C2: variants seen among roughly 807,000 people sequenced by gnomAD.
C2 encodes the protein C3/C5 convertase.
In C2, 64 loss-of-function variants were observed where a neutral mutation model predicts 85.2. The ratio of observed to expected loss-of-function variants is 0.75; its 90% CI spans 0.61 to 0.92. The LOEUF is 0.92. C2 is among the 40% of genes least tolerant of loss of function. The pLI is 0.00. For missense variants in C2, 820 were observed against 971.6 expected (o/e 0.84, Z 2.07); for synonymous variants, 311 against 370.8 (o/e 0.84, Z 1.85).
At chr6:31,901,594 G>A (rs995345975) in intron 1 of C2, among the ~76,000 whole-genome samples, 3 of 151,814 alleles carry the variant, frequency 2.0e-5, no homozygotes, top group African/African-American at 4.8e-5. Context: ...GTGGAAGGAC[G>A]GAGAAAAAGG....
upstream of C2, among the ~76,000 whole-genome samples, chr6:31,923,443 C>A (rs941791645): frequency 6.6e-6 from 1 of 152,164 alleles, no homozygotes; most frequent in African/African-American, 2.4e-5. Flanking sequence ...CCACACACGC[C>A]ATCTCAGCCT....
intron 9 of C2, among the ~76,000 whole-genome samples, chr6:31,942,680 G>T (rs374245872): frequency 2.0e-5 from 3 of 152,164 alleles, no homozygotes; most frequent in East Asian, 1.9e-4. Context: ...TGGAAGTCTG[G>T]GGGGGAGGAG....
chr6:31,936,282 G>T (rs149815968), intron 7 of C2: 3 of 579,196 alleles, frequency 5.2e-6, no homozygotes, highest in Non-Finnish European at 9.3e-6. Flanking sequence ...AAGACACTGT[G>T]CAGGTCTTCA....
intron 3 of C2, among the ~76,000 whole-genome samples, chr6:31,932,669 C>G (rs1042205742): frequency 6.6e-6 from 1 of 150,518 alleles, no homozygotes; most frequent in Admixed American, 6.6e-5. Flanking sequence ...ACATCCCAGA[C>G]GATGGGTGGC....
At chr6:31,910,707 C>G (rs1212236404) in intron 1 of C2, among the ~76,000 whole-genome samples, 1 of 152,022 alleles carries the variant, frequency 6.6e-6, no homozygotes, top group Non-Finnish European at 1.5e-5. Context: ...GAGCCCAGCA[C>G]GGTGGCCCAC....
At chr6:31,901,602 A>G (rs1767280296) in intron 1 of C2, among the ~76,000 whole-genome samples, 1 of 151,438 alleles carries the variant, frequency 6.6e-6, no homozygotes, top group Non-Finnish European at 1.5e-5. Flanking sequence ...ACGGAGAAAA[A>G]GGGGGGCCAG....
intron 3 of C2, among the ~76,000 whole-genome samples, chr6:31,932,720 C>A (rs1288601755): frequency 6.6e-6 from 1 of 152,092 alleles, no homozygotes; most frequent in Non-Finnish European, 1.5e-5. Context: ...GGGTGGCGGC[C>A]GGGCAGAGGC....
chr6:31,937,576 T>C, intron 8 of C2, 117 bp downstream of exon 8: 2 of 1,332,738 alleles, frequency 1.5e-6, no homozygotes, highest in Non-Finnish European at 2.1e-6. Flanking sequence ...AGTTTTGTTT[T>C]TGTTTTTAGA....
At chr6:31,906,525 A>G (rs1022876477) in intron 1 of C2, among the ~76,000 whole-genome samples, 6 of 151,940 alleles carry the variant, frequency 3.9e-5, no homozygotes, top group Non-Finnish European at 5.9e-5. Flanking sequence ...ATCCAGGTCT[A>G]TCTGGGGAAA....
At chr6:31,917,789 C>T (rs898273720), upstream of C2, among the ~76,000 whole-genome samples, 3 of 151,726 alleles carry the variant, frequency 2.0e-5, no homozygotes, top group African/African-American at 7.3e-5. Flanking sequence ...GTTTGTAATC[C>T]CAGCTACTTG....
Position 31,904,344 on chromosome 6 carries a change from G to A in C2, c.73+3205G>A, listed in dbSNP as rs559552853. Reference sequence around the variant, plus strand: ...AATTAATTTATTTAGCTGGAGTTTTGCTCTTGTCACCCAGGCTGGAGTGCA... The same window carrying A: ...AATTAATTTATTTAGCTGGAGTTTTACTCTTGTCACCCAGGCTGGAGTGCA... On this transcript the variant is annotated intron_variant, in intron 1 of 3. Coordinates refer to the C2 transcript ENST00000452202. This position sits in a 1 kb window ranked among gnomAD's most constrained non-coding sequence, Gnocchi z 4.4. 7.3e-5 allele frequency among the ~76,000 whole-genome samples: 11 copies of A among 151,410 alleles called. No homozygotes were observed. Among genetic ancestry groups the A allele is most frequent in the African/African-American group, 2.2e-4 (9 of 41,208 alleles).
In C2 at chr6:31,935,601, C is replaced by G. The variant is rs1770341820; in HGVS notation, c.850-322C>G. ...TCTTCTGCCTCAGCCTCCTGAGTAG[C>G]TGGGATTATAGGTGCTTGCCACCAT... On this transcript the variant is annotated intron_variant, in intron 6 of 17. Coordinates refer to ENST00000299367, the MANE Select transcript of C2 (RefSeq NM_000063.6). This position sits in a 1 kb window ranked among gnomAD's most constrained non-coding sequence, Gnocchi z 4.3. Among the ~76,000 whole-genome samples, 7 of 152,054 alleles carry G rather than the reference C, an allele frequency of 4.6e-5. No homozygotes were observed. The highest frequency in any genetic ancestry group is 4.6e-4 in the Admixed American group (7 of 15,252).
chr6:31,933,738 T>C lies in C2; in HGVS notation c.571T>C (p.Cys191Arg). ...GCTCACGGGGTCTTCGGAGCGGGAG[T>C]GCCAGGGCAACGGGGTCTGGAGTGG... is the stretch of plus-strand genomic sequence containing the variant. The part of the protein sequence containing the change: ...LVLTGSSERE[C>R]QGNGVWSGTE... The change falls in exon 4 of 18, where the codon TGC becomes CGC. Residue 191 changes from cysteine to arginine, a missense_variant. Transcript: ENST00000299367. 6 of 1,613,458 alleles carry C rather than the reference T, an allele frequency of 3.7e-6. No homozygotes were observed. The highest frequency in any genetic ancestry group is 5.1e-6 in the Non-Finnish European group (6 of 1,180,010).
upstream of C2, among the ~76,000 whole-genome samples, chr6:31,923,443 C>T (rs941791645): frequency 2.6e-5 from 4 of 152,164 alleles, no homozygotes; most frequent in African/African-American, 9.7e-5. Flanking sequence ...CCACACACGC[C>T]ATCTCAGCCT....
chr6:31,937,245 A>T, intron 7 of C2, 74 bp from the exon 8 acceptor site: 1 of 1,454,146 alleles, frequency 6.9e-7, no homozygotes, highest in Non-Finnish European at 9.6e-7. Context: ...TAATTGGGGG[A>T]ATAGAGTGAT....
chr6:31,944,259 C>G lies in C2; in HGVS notation c.1902+33C>G. On this transcript the variant is annotated intron_variant, in intron 15 of 17. Transcript: ENST00000299367. This position sits in a 1 kb window ranked among gnomAD's most constrained non-coding sequence, Gnocchi z 5.1. ...TCTCAGGTTGGGGATGCTGGGATCC[C>G]CCTGTGACAGCTCCCAGAATGTCTC... The G allele has an allele frequency of 7.1e-7, 1 of 1,400,696 alleles. No individual in the cohort carries two copies. The highest frequency in any genetic ancestry group is 1.0e-6 in the Non-Finnish European group (1 of 986,422). The allele number at this position is 1,400,696 out of a possible 1,614,324, so 86.8% of individuals were successfully genotyped here.
intron 1 of C2, chr6:31,901,932 A>G (rs1169533979): frequency 1.4e-5 from 2 of 138,236 alleles, no homozygotes; most frequent in African/African-American, 5.4e-5. Flanking sequence ...GGGCCTGGGC[A>G]GCGCGCAGGC....
At chr6:31,917,618 A>G (rs1045942075), upstream of C2, among the ~76,000 whole-genome samples, 1 of 152,130 alleles carries the variant, frequency 6.6e-6, no homozygotes, top group Non-Finnish European at 1.5e-5. Flanking sequence ...TAAAAAAAGA[A>G]AAAAAGGCCA....
At chr6:31,907,717 C>T (rs186167776) in intron 1 of C2, among the ~76,000 whole-genome samples, 7 of 151,510 alleles carry the variant, frequency 4.6e-5, no homozygotes, top group Admixed American at 2.0e-4. Context: ...CTTGCTCTGT[C>T]GCCAGGCTGG....
Sources: allele counts gnomAD v4.1 joint callset (sites outside exome capture counted in the v4.1 genomes callset), GRCh38; gene constraint gnomAD v4.1.1; non-coding constraint Gnocchi (gnomAD v3.1); transcripts MANE v1.5; gene names NCBI Gene and HGNC (gene_info 2026-07-23, HGNC 2026-07-21).